Variants in PTTG1IP2 observed in about 807,000 individuals in gnomAD.
PTTG1IP2 encodes PTTG1IP family member 2.
At chr7:90,470,041 TG>T (rs1275141738) in intron 1 of PTTG1IP2, 110 bp downstream of exon 1, 1 of 152,654 alleles carries the variant, frequency 6.6e-6, no homozygotes, top group Non-Finnish European at 1.5e-5. Flanking sequence ...AGTTGTCATT[TG>T]GTGTTGGTGG....
rs939341536 is a variant in PTTG1IP2 at position 90,510,483 on chromosome 7, C to A, written c.*51-2795C>A. Among the ~76,000 whole-genome samples the A allele has an allele frequency of 2.6e-5, 4 of 152,082 alleles. No individual in the cohort carries two copies. The South Asian group carries it at 8.3e-4, about 31-fold the overall frequency. ...TACACACCTTTAACTCAGCCCTTTCCTAATACGAGCTTTATTTGTGTGTGT... is the reference window on the plus strand; with the variant it reads ...TACACACCTTTAACTCAGCCCTTTCATAATACGAGCTTTATTTGTGTGTGT... On this transcript the variant is annotated intron_variant, in intron 6 of 6. Transcript: ENST00000509356.
At position 90,487,092 on chromosome 7, in the gene PTTG1IP2, C is replaced by T. The variant is rs1035704829; in HGVS notation, c.193-235C>T. Among the ~76,000 whole-genome samples the T allele has an allele frequency of 3.9e-5, 6 of 152,146 alleles. No homozygotes were observed. The East Asian group carries it at 9.6e-4, about 24-fold the overall frequency. ...TTGTGGGCTAGGTGGTCCCTATCGT[C>T]GTCCAAGAAGAGGGGAAGCTGTGAG... On this transcript the variant is annotated intron_variant, in intron 2 of 6. Transcript: ENST00000509356.
intron 6 of PTTG1IP2, among the ~76,000 whole-genome samples, chr7:90,497,437 G>A (rs557326927): frequency 3.2e-4 from 49 of 151,892 alleles, no homozygotes; most frequent in African/African-American, 1.1e-3. Context: ...GGCGGCGGGC[G>A]CCTGTAGTCC....
chr7:90,505,684 A>G (rs952544721), intron 6 of PTTG1IP2, among the ~76,000 whole-genome samples: 1 of 152,146 alleles, frequency 6.6e-6, no homozygotes, highest in Non-Finnish European at 1.5e-5. Flanking sequence ...CTGGTTGGCT[A>G]TAAGAAAATG....
chr7:90,486,277 C>A (rs770698964), intron 2 of PTTG1IP2, among the ~76,000 whole-genome samples: 1 of 152,054 alleles, frequency 6.6e-6, no homozygotes, highest in Non-Finnish European at 1.5e-5. Context: ...GGTATGCAAT[C>A]TTATGTAAGT....
At chr7:90,476,539 AT>A (rs1797749172) in intron 1 of PTTG1IP2, among the ~76,000 whole-genome samples, 1 of 152,168 alleles carries the variant, frequency 6.6e-6, no homozygotes, top group Non-Finnish European at 1.5e-5. Flanking sequence ...TAGAATGTGT[AT>A]TTTGAGGTCA....
At chr7:90,480,695 G>T (rs908601905) in intron 2 of PTTG1IP2, among the ~76,000 whole-genome samples, 1 of 152,064 alleles carries the variant, frequency 6.6e-6, no homozygotes, top group Non-Finnish European at 1.5e-5. Context: ...TAATAAATTT[G>T]TCTTGTTGAG....
At chr7:90,482,553 T>C (rs746584440) in intron 2 of PTTG1IP2, among the ~76,000 whole-genome samples, 6 of 150,776 alleles carry the variant, frequency 4.0e-5, no homozygotes, top group African/African-American at 9.8e-5. Flanking sequence ...AAACATATTA[T>C]ATTTTCTTGA....
intron 1 of PTTG1IP2, among the ~76,000 whole-genome samples, chr7:90,476,560 A>G (rs185274433): frequency 2.0e-5 from 3 of 152,298 alleles, no homozygotes; most frequent in African/African-American, 4.8e-5. Context: ...ACTAGAGGAA[A>G]TAAAGGAATA....
intron 2 of PTTG1IP2, among the ~76,000 whole-genome samples, chr7:90,484,320 T>C (rs1394471311): frequency 1.3e-5 from 2 of 152,120 alleles, no homozygotes; most frequent in Non-Finnish European, 2.9e-5. Flanking sequence ...TTATTATGTA[T>C]CTTCCCACTT....
At chr7:90,493,799 G>A (rs1317706015) in intron 5 of PTTG1IP2, among the ~76,000 whole-genome samples, 1 of 152,172 alleles carries the variant, frequency 6.6e-6, no homozygotes, top group South Asian at 2.1e-4. Flanking sequence ...GTCTGAAGAC[G>A]GAGGGAGAGA....
chr7:90,491,689 C>G (rs983537426), intron 4 of PTTG1IP2, among the ~76,000 whole-genome samples: 1 of 151,538 alleles, frequency 6.6e-6, no homozygotes, highest in Non-Finnish European at 1.5e-5. Context: ...TAAGGGGACA[C>G]AGACAAGTAA....
intron 2 of PTTG1IP2, among the ~76,000 whole-genome samples, chr7:90,483,838 C>A (rs1797839526): frequency 6.6e-6 from 1 of 152,138 alleles, no homozygotes; most frequent in Admixed American, 6.6e-5. Context: ...TTCCTAATTC[C>A]TAAGGAGCGC....
At chr7:90,503,912 A>G (rs1206798270) in intron 6 of PTTG1IP2, among the ~76,000 whole-genome samples, 2 of 152,246 alleles carry the variant, frequency 1.3e-5, no homozygotes, top group Admixed American at 6.5e-5. Flanking sequence ...CCAAGTTGCC[A>G]TAAACCTTAA....
At chr7:90,508,537 A>C in intron 6 of PTTG1IP2, among the ~76,000 whole-genome samples, 1 of 152,188 alleles carries the variant, frequency 6.6e-6, no homozygotes, top group East Asian at 1.9e-4. Context: ...GAAAAAGTAC[A>C]GATTATACCT....
chr7:90,477,219 GA>G (rs1797758277), intron 1 of PTTG1IP2, among the ~76,000 whole-genome samples: 1 of 152,182 alleles, frequency 6.6e-6, no homozygotes, highest in African/African-American at 2.4e-5. Context: ...CCTTGAGGGT[GA>G]AAGAATCTGG....
chr7:90,506,258 C>A (rs1007627772), intron 6 of PTTG1IP2, among the ~76,000 whole-genome samples: 1 of 151,658 alleles, frequency 6.6e-6, no homozygotes, highest in South Asian at 2.1e-4. Context: ...CACTGAAAAC[C>A]AATACAATTT....
At chr7:90,496,661 T>C (rs1306121698) in intron 6 of PTTG1IP2, among the ~76,000 whole-genome samples, 1 of 152,164 alleles carries the variant, frequency 6.6e-6, no homozygotes, top group East Asian at 1.9e-4. Context: ...TCAGTTTTGT[T>C]GATTCTTTCT....
At chr7:90,492,845 A>C (rs1288162836) in intron 5 of PTTG1IP2, among the ~76,000 whole-genome samples, 1 of 152,122 alleles carries the variant, frequency 6.6e-6, no homozygotes, top group African/African-American at 2.4e-5. Context: ...TCATCTACCT[A>C]GTTCCTTGGC....
Sources: gnomAD v4.1 joint callset for allele counts (sites outside exome capture counted in the v4.1 genomes callset) on GRCh38, gnomAD v4.1.1 for gene constraint, MANE v1.5 for transcripts, NCBI Gene and HGNC (gene_info 2026-07-23, HGNC 2026-07-21) for gene names.